HDAC9: variants seen among roughly 807,000 people sequenced by gnomAD.
HDAC9 encodes the protein MEF-2 interacting transcription repressor (MITR) protein.
A neutral mutation model predicts 139.4 loss-of-function variants in HDAC9; 41 were observed. The observed-to-expected ratio is 0.29, with a 90% CI of 0.23 to 0.38. HDAC9 has a LOEUF of 0.38. Among genes scored for constraint, HDAC9 ranks in the 10% least tolerant of loss-of-function variants. HDAC9 has a pLI of 1.00. For synonymous variants in HDAC9, 517 were observed against 476.2 expected (o/e 1.09, Z -1.12); for missense variants, 1,147 against 1,297.0 (o/e 0.88, Z 1.78).
chr7:18,294,153 G>A (rs1310799053), intron 1 of HDAC9, among the ~76,000 whole-genome samples: 1 of 152,050 alleles, frequency 6.6e-6, no homozygotes, highest in Non-Finnish European at 1.5e-5. Flanking sequence ...GGGTGAAAAA[G>A]AGTTGTATGA....
At position 18,168,879 on chromosome 7, in the gene HDAC9, GTTTTT is replaced by G. The variant is rs112502543; in HGVS notation, c.25+6545_25+6549del. 2.6e-3 allele frequency among the ~76,000 whole-genome samples: 213 copies of G among 80,868 alleles called. 1 individual carries two copies. Among genetic ancestry groups the G allele is most frequent in the African/African-American group, 7.6e-3 (174 of 22,980 alleles). 53.1% of individuals were successfully genotyped at this position (80,868 alleles called of 152,430 possible). A position where few individuals can be genotyped will look rare whatever the true frequency, so the allele number is the denominator to read the frequency against. On this transcript the variant is annotated intron_variant, in intron 2 of 12. Transcript: ENST00000417496. ...AGTTCTGAGGAGGTGCAAATGTCTT[GTTTTT>G]TTTTTTTTTTTTTTGTGTGTGTGTG...
intron 2 of HDAC9, among the ~76,000 whole-genome samples, chr7:18,510,134 T>C (rs1801031221): frequency 6.6e-6 from 1 of 152,182 alleles, no homozygotes; most frequent in Admixed American, 6.5e-5. Context: ...GCCCCCAAAT[T>C]AAAATTATTC....
chr7:18,692,480 A>G (rs1782741816), intron 12 of HDAC9, among the ~76,000 whole-genome samples: 1 of 152,150 alleles, frequency 6.6e-6, no homozygotes, highest in Non-Finnish European at 1.5e-5. Context: ...AACTCCTCAT[A>G]TCTCAGACTT....
chr7:18,229,665 A>G (rs764328430), intron 2 of HDAC9, among the ~76,000 whole-genome samples: 33 of 152,304 alleles, frequency 2.2e-4, no homozygotes, highest in Middle Eastern at 3.4e-3. Context: ...AGGAGTGATT[A>G]TAACTGATCT....
chr7:18,748,617 A>G (rs1278174958), intron 13 of HDAC9, among the ~76,000 whole-genome samples: 1 of 152,208 alleles, frequency 6.6e-6, no homozygotes, highest in Non-Finnish European at 1.5e-5. Context: ...AGTGGCTCCA[A>G]TGGTGTGGTG....
chr7:18,817,538 A>C (rs1794663227), intron 17 of HDAC9, among the ~76,000 whole-genome samples: 1 of 152,214 alleles, frequency 6.6e-6, no homozygotes, highest in South Asian at 2.1e-4. Context: ...TTATGTCCTG[A>C]CCATGTTTCT....
intron 12 of HDAC9, among the ~76,000 whole-genome samples, chr7:18,718,236 G>GTT (rs199898545): frequency 1.3e-5 from 2 of 151,922 alleles, no homozygotes; most frequent in Non-Finnish European, 2.9e-5. Flanking sequence ...TTTTTTGTTT[G>GTT]TTTTTTTGTT....
intron 1 of HDAC9, among the ~76,000 whole-genome samples, chr7:18,301,561 A>G (rs1190962128): frequency 6.6e-6 from 1 of 152,114 alleles, no homozygotes; most frequent in Non-Finnish European, 1.5e-5. Context: ...CTATCTAAGT[A>G]TTTAAATGCA....
At chr7:18,191,466 T>C (rs1790345958) in intron 2 of HDAC9, among the ~76,000 whole-genome samples, 1 of 152,222 alleles carries the variant, frequency 6.6e-6, no homozygotes, top group Non-Finnish European at 1.5e-5. Context: ...CCTGAGAGAA[T>C]GATTTTAGAC....
intron 1 of HDAC9, among the ~76,000 whole-genome samples, chr7:18,116,702 A>G (rs1784012362): frequency 6.6e-6 from 1 of 152,158 alleles, no homozygotes; most frequent in African/African-American, 2.4e-5. Flanking sequence ...TATTCTAGGC[A>G]GATTTCATAG....
chr7:18,606,757 A>G (rs532099207), intron 6 of HDAC9, among the ~76,000 whole-genome samples: 1 of 152,214 alleles, frequency 6.6e-6, no homozygotes, highest in Non-Finnish European at 1.5e-5. Flanking sequence ...GTAATCATTT[A>G]GATTATGAAA....
intron 22 of HDAC9, among the ~76,000 whole-genome samples, chr7:18,879,136 A>C (rs1176363931): frequency 6.6e-6 from 1 of 152,132 alleles, no homozygotes; most frequent in Non-Finnish European, 1.5e-5. Flanking sequence ...AGAATTACAA[A>C]ACTCTGCTCA....
At position 18,648,410 on chromosome 7, in the gene HDAC9, ATGTGTG is replaced by A. The variant is rs145105320; in HGVS notation, c.1250-38_1250-33del. On this transcript the variant is annotated intron_variant, in intron 10 of 25. Coordinates refer to ENST00000686413, the MANE Select transcript of HDAC9 (RefSeq NM_178425.4). ...TTTTCTTAAAATTGTGTGTGTGTGT[ATGTGTG>A]TGTGTGTGTGTGTGTGTATACACAC... 6.0e-4 allele frequency: 632 copies of A among 1,056,800 alleles called. 4 individuals carry two copies. Among genetic ancestry groups the A allele is most frequent in the Non-Finnish European group, 1.6e-4 (111 of 694,988 alleles). The allele number at this position is 1,056,800 out of a possible 1,614,324, so 65.5% of individuals were successfully genotyped here.
intron 2 of HDAC9, among the ~76,000 whole-genome samples, chr7:18,284,809 A>G (rs1057284193): frequency 1.3e-5 from 2 of 152,144 alleles, no homozygotes; most frequent in Admixed American, 6.5e-5. Flanking sequence ...TTTAAATCCA[A>G]CACTCACTCT....
rs1786536144 is a variant in HDAC9 at position 18,997,525 on chromosome 7, A to AGTT, written c.*1465_*1467dup. The AGTT allele has an allele frequency of 6.6e-6, 1 of 152,158 alleles. No individual in the cohort carries two copies. The highest frequency in any genetic ancestry group is 2.4e-5 in the African/African-American group (1 of 41,460). The allele number at this position is 152,158 out of a possible 1,614,324, so 9.4% of individuals were successfully genotyped here. ...TAATATCTGACAATGCTTTTGAAAG[A>AGTT]GTTGATGTTTCTTTTTATATATTTT... is the stretch of plus-strand genomic sequence containing the variant. On this transcript the variant is annotated 3_prime_UTR_variant, in exon 26 of 26. Transcript: ENST00000686413.
chr7:18,165,045 A>T (rs1300100682), intron 2 of HDAC9, among the ~76,000 whole-genome samples: 1 of 152,198 alleles, frequency 6.6e-6, no homozygotes, highest in Non-Finnish European at 1.5e-5. Flanking sequence ...TAGTCCATTT[A>T]GTGTCTTAAG....
At chr7:18,166,840 T>C (rs1788045305) in intron 2 of HDAC9, among the ~76,000 whole-genome samples, 2 of 152,162 alleles carry the variant, frequency 1.3e-5, no homozygotes, top group African/African-American at 2.4e-5. Flanking sequence ...ACAAATATCA[T>C]AATGTCCAAG....
upstream of HDAC9, among the ~76,000 whole-genome samples, chr7:18,288,920 TAGATGCTTGGGGAAG>T (rs1242168920): frequency 6.6e-6 from 1 of 152,204 alleles, no homozygotes; most frequent in Non-Finnish European, 1.5e-5. Context: ...CCACCAAACC[TAGATGCTTGGGGAAG>T]CTGTTAAGAG....
chr7:18,993,062 C>T (rs1786120811), intron 25 of HDAC9, among the ~76,000 whole-genome samples: 1 of 150,164 alleles, frequency 6.7e-6, no homozygotes, highest in African/African-American at 2.5e-5. Context: ...CAAACACAGC[C>T]ATTAAAGGGT....
Sources: gnomAD v4.1 joint callset for allele counts (sites outside exome capture counted in the v4.1 genomes callset) on GRCh38, gnomAD v4.1.1 for gene constraint, MANE v1.5 for transcripts, NCBI Gene and HGNC (gene_info 2026-07-23, HGNC 2026-07-21) for gene names.